The following TAF3 variants were observed in gnomAD, a reference collection of about 807,000 sequenced individuals.
TAF3 encodes the protein TATA-box binding protein associated factor 3, also known as transcription initiation factor TFIID subunit 3.
A neutral mutation model predicts 80.6 loss-of-function variants in TAF3; 7 were observed. That is an observed-to-expected ratio of 0.09 (90% CI 0.05 to 0.16). TAF3 has a LOEUF of 0.16. TAF3 is among the 10% of genes least tolerant of loss of function. The pLI is 1.00. For synonymous variants in TAF3, 444 were observed against 446.1 expected (o/e 1.00, Z 0.06); for missense variants, 921 against 1,140.2 (o/e 0.81, Z 2.77).
intron 1 of TAF3, among the ~76,000 whole-genome samples, chr10:7,821,836 A>G (rs954559354): frequency 6.6e-6 from 1 of 152,224 alleles, no homozygotes; most frequent in South Asian, 2.1e-4. Context: ...CACAGAAAAG[A>G]TAAGATTTGA....
chr10:7,905,758 C>T (rs539901572), intron 2 of TAF3, among the ~76,000 whole-genome samples: 2 of 152,156 alleles, frequency 1.3e-5, no homozygotes, highest in East Asian at 3.9e-4. Context: ...TGGCAGGCAC[C>T]TGTAATCCCA....
At chr10:7,849,720 CCCAGGCTGGAGTGCA>C (rs1352452200) in intron 2 of TAF3, among the ~76,000 whole-genome samples, 13 of 151,566 alleles carry the variant, frequency 8.6e-5, no homozygotes, top group African/African-American at 3.2e-4. Flanking sequence ...CACTCTGTCA[CCCAGGCTGGAGTGCA>C]GTGGCACGAT....
At chr10:7,853,002 T>G (rs1477345490) in intron 2 of TAF3, among the ~76,000 whole-genome samples, 3 of 152,252 alleles carry the variant, frequency 2.0e-5, no homozygotes, top group Non-Finnish European at 2.9e-5. Flanking sequence ...TGATAGATAT[T>G]AGTCCATTTA....
intron 2 of TAF3, among the ~76,000 whole-genome samples, chr10:7,904,206 G>T (rs1400340181): frequency 6.6e-6 from 1 of 152,172 alleles, no homozygotes; most frequent in Admixed American, 6.5e-5. Flanking sequence ...GAGGCAGTGG[G>T]TTATCTCAAA....
At chr10:7,961,720 T>C (rs983719889) in intron 2 of TAF3, among the ~76,000 whole-genome samples, 8 of 152,216 alleles carry the variant, frequency 5.3e-5, no homozygotes, top group African/African-American at 1.9e-4. Context: ...GAGTAGGCAT[T>C]GCAGACTAAA....
At chr10:7,839,275 T>TA (rs1052432589) in intron 2 of TAF3, among the ~76,000 whole-genome samples, 2 of 152,174 alleles carry the variant, frequency 1.3e-5, no homozygotes, top group African/African-American at 4.8e-5. Context: ...TCATACTTCA[T>TA]ATATTTTGTT....
Position 7,825,213 on chromosome 10 carries a change from A to G in TAF3, c.409+653A>G, listed in dbSNP as rs144450238. Among the ~76,000 whole-genome samples the G allele has an allele frequency of 1.3e-4, 20 of 152,272 alleles. No homozygotes were observed. The East Asian group carries it at 3.9e-3, about 29-fold the overall frequency. On this transcript the variant is annotated intron_variant, in intron 2 of 6. Transcript: ENST00000344293. ...CTGGTCTCTAACACAAGTACACGAT[A>G]TTTTTTCTTATAAGAGTTGGAAAAG...
intron 2 of TAF3, among the ~76,000 whole-genome samples, chr10:7,957,669 G>A (rs1838148924): frequency 6.6e-6 from 1 of 151,882 alleles, no homozygotes; most frequent in African/African-American, 2.4e-5. Context: ...ATGTACAGAA[G>A]AGTCCTTTTC....
intron 6 of TAF3, 62 bp from the exon 7 acceptor site, chr10:8,014,574 TG>T: frequency 7.1e-7 from 1 of 1,399,882 alleles, no homozygotes; most frequent in South Asian, 1.3e-5. Flanking sequence ...CTTTAAAACA[TG>T]GAAGGGAGAA....
At chr10:7,931,832 C>T (rs1250095210) in intron 2 of TAF3, among the ~76,000 whole-genome samples, 7 of 152,118 alleles carry the variant, frequency 4.6e-5, no homozygotes, top group Non-Finnish European at 1.5e-5. Context: ...ACTGACAGTT[C>T]CTACCTGCTC....
intron 1 of TAF3, among the ~76,000 whole-genome samples, chr10:7,823,855 G>A (rs7099061): frequency 0.2 from 29,998 of 150,952 alleles, 3,336 homozygotes; most frequent in East Asian, 0.52. Context: ...GGTTGGTCTC[G>A]AACCCTTGAC....
intron 2 of TAF3, among the ~76,000 whole-genome samples, chr10:7,963,042 G>C (rs1233832127): frequency 6.6e-6 from 1 of 152,184 alleles, no homozygotes; most frequent in African/African-American, 2.4e-5. Context: ...TTGCTCTCTA[G>C]TGCCGTAACT....
At chr10:7,881,562 T>A (rs1258635204) in intron 2 of TAF3, among the ~76,000 whole-genome samples, 3 of 151,768 alleles carry the variant, frequency 2.0e-5, no homozygotes, top group Non-Finnish European at 4.4e-5. Context: ...TGGAACGTAA[T>A]AAGTTTTTTA....
intron 3 of TAF3, among the ~76,000 whole-genome samples, chr10:7,974,109 CAG>C (rs201160637): frequency 0.015 from 2,280 of 149,828 alleles, 16 homozygotes; most frequent in Non-Finnish European, 0.024. Flanking sequence ...GCCTGGGCGA[CAG>C]AGTGAGATTC....
chr10:7,916,539 A>G (rs770611159), intron 2 of TAF3, among the ~76,000 whole-genome samples: 43 of 152,224 alleles, frequency 2.8e-4, no homozygotes, highest in Non-Finnish European at 3.5e-4. Context: ...AACTAACATC[A>G]TGTTTAACAC....
At chr10:7,871,197 G>T (rs1837261705) in intron 2 of TAF3, among the ~76,000 whole-genome samples, 1 of 151,974 alleles carries the variant, frequency 6.6e-6, no homozygotes, top group Non-Finnish European at 1.5e-5. Flanking sequence ...TGGAAGTCTT[G>T]TTATTTCTTG....
intron 2 of TAF3, among the ~76,000 whole-genome samples, chr10:7,928,031 C>G (rs1482016575): frequency 6.6e-6 from 1 of 151,972 alleles, no homozygotes; most frequent in East Asian, 1.9e-4. Flanking sequence ...CGGCCTCTAA[C>G]ATTTTATTTT....
intron 2 of TAF3, among the ~76,000 whole-genome samples, chr10:7,878,162 G>T (rs1160535353): frequency 6.6e-6 from 1 of 152,162 alleles, no homozygotes; most frequent in Non-Finnish European, 1.5e-5. Context: ...GTACCCAGGA[G>T]CAGATCCTGA....
At chr10:7,853,220 A>T (rs1837046199) in intron 2 of TAF3, among the ~76,000 whole-genome samples, 1 of 152,208 alleles carries the variant, frequency 6.6e-6, no homozygotes. Context: ...AAGGTGCTCA[A>T]ACTCCATCAC....
Sources: allele counts gnomAD v4.1 joint callset (sites outside exome capture counted in the v4.1 genomes callset), GRCh38; gene constraint gnomAD v4.1.1; transcripts MANE v1.5; gene names NCBI Gene and HGNC (gene_info 2026-07-23, HGNC 2026-07-21).